The following LDLRAD4 variants were observed in gnomAD, a reference collection of about 807,000 sequenced individuals.
The protein encoded by LDLRAD4 is low-density lipoprotein receptor class A domain-containing protein 4.
In LDLRAD4, 5 loss-of-function variants were observed where a neutral mutation model predicts 17.0. The ratio of observed to expected loss-of-function variants is 0.29; its 90% CI spans 0.15 to 0.62. LDLRAD4 has a LOEUF of 0.62. Ranked by LOEUF, LDLRAD4 falls within the 20% of genes least tolerant of loss-of-function variation. LDLRAD4 has a pLI of 0.84. For synonymous variants in LDLRAD4, 168 were observed against 171.8 expected, an observed-to-expected ratio of 0.98 and a Z score of 0.17; for missense variants, 340 against 424.7, an observed-to-expected ratio of 0.80 and a Z score of 1.75.
chr18:13,299,330 A>G (rs1247144436), intron 1 of LDLRAD4, among the ~76,000 whole-genome samples: 5 of 152,242 alleles, frequency 3.3e-5, no homozygotes, highest in Non-Finnish European at 7.3e-5. Flanking sequence ...GGTTTTGAAC[A>G]TGTGCCCTTT....
chr18:13,606,767 C>T (rs2095228531), intron 3 of LDLRAD4, among the ~76,000 whole-genome samples: 1 of 152,098 alleles, frequency 6.6e-6, no homozygotes, highest in Non-Finnish European at 1.5e-5. Flanking sequence ...AGGCCAAATT[C>T]CAGGGATTAA....
intron 1 of LDLRAD4, among the ~76,000 whole-genome samples, chr18:13,282,646 C>T (rs1438186403): frequency 6.6e-6 from 1 of 152,232 alleles, no homozygotes; most frequent in Admixed American, 6.5e-5. Flanking sequence ...TTGCAGGGTA[C>T]AGCCTTCCTC....
intron 3 of LDLRAD4, among the ~76,000 whole-genome samples, chr18:13,508,691 G>GA (rs1000411623): frequency 1.5e-4 from 23 of 150,654 alleles, no homozygotes; most frequent in East Asian, 5.8e-4. Flanking sequence ...TACTGCTCAG[G>GA]AAAAAAAAAG....
At position 13,346,273 on chromosome 18, in the gene LDLRAD4, G is replaced by A. The variant is rs181918689; in HGVS notation, c.-382-41068G>A. Among the ~76,000 whole-genome samples, 22 of 152,152 alleles carry A rather than the reference G, an allele frequency of 1.4e-4. 1 individual carries two copies. The East Asian group carries it at 4.2e-3, about 29-fold the overall frequency. ...GAATGTGTCCCAGAGATTCTTGTATGTTGTGTCTTTGTTCTCGTTGGTTTC... is the reference window on the plus strand; with the variant it reads ...GAATGTGTCCCAGAGATTCTTGTATATTGTGTCTTTGTTCTCGTTGGTTTC... On this transcript the variant is annotated intron_variant, in intron 1 of 5. Coordinates refer to ENST00000359446, the Ensembl canonical transcript of LDLRAD4.
intron 2 of LDLRAD4, among the ~76,000 whole-genome samples, chr18:13,415,736 C>G (rs1421498903): frequency 6.6e-6 from 1 of 152,238 alleles, no homozygotes; most frequent in African/African-American, 2.4e-5. Flanking sequence ...CCACTGGATT[C>G]CAGTTCTCCA....
chr18:13,465,820 G>A (rs1240832251), intron 3 of LDLRAD4, among the ~76,000 whole-genome samples: 1 of 152,148 alleles, frequency 6.6e-6, no homozygotes, highest in Non-Finnish European at 1.5e-5. Context: ...GCTGAGTTGT[G>A]GACATGTGTA....
At chr18:13,577,617 C>T (rs548121707) in intron 3 of LDLRAD4, among the ~76,000 whole-genome samples, 9 of 152,174 alleles carry the variant, frequency 5.9e-5, no homozygotes, top group South Asian at 2.1e-4. Flanking sequence ...TGAGGGGAAA[C>T]GCAAAAGCGA....
At chr18:13,451,766 G>A (rs1282125467) in intron 3 of LDLRAD4, among the ~76,000 whole-genome samples, 1 of 152,186 alleles carries the variant, frequency 6.6e-6, no homozygotes, top group African/African-American at 2.4e-5. Flanking sequence ...AGAAGGGGAA[G>A]GAAGCACTCT....
chr18:13,454,472 C>T (rs1430045670), intron 3 of LDLRAD4, among the ~76,000 whole-genome samples: 1 of 152,196 alleles, frequency 6.6e-6, no homozygotes, highest in East Asian at 1.9e-4. Context: ...ACTCCATTCT[C>T]TTCATCATCT....
At chr18:13,437,689 C>T (rs2090756090) in intron 2 of LDLRAD4, among the ~76,000 whole-genome samples, 1 of 152,130 alleles carries the variant, frequency 6.6e-6, no homozygotes, top group Non-Finnish European at 1.5e-5. Context: ...TGGTATTATG[C>T]CTGATTTTTC....
chr18:13,284,376 G>C (rs2045484031), intron 1 of LDLRAD4, among the ~76,000 whole-genome samples: 1 of 152,120 alleles, frequency 6.6e-6, no homozygotes, highest in Non-Finnish European at 1.5e-5. Flanking sequence ...TCATCAAGCA[G>C]ACCTGTGGAG....
At chr18:13,573,622 G>C (rs1235276765) in intron 3 of LDLRAD4, among the ~76,000 whole-genome samples, 2 of 152,176 alleles carry the variant, frequency 1.3e-5, no homozygotes, top group African/African-American at 4.8e-5. Context: ...AGCATGCTGG[G>C]CTCACATTAT....
chr18:13,419,997 C>G (rs561469818), intron 2 of LDLRAD4: 17 of 152,270 alleles, frequency 1.1e-4, no homozygotes, highest in African/African-American at 4.1e-4. Flanking sequence ...ACACCTGTGT[C>G]TTGTTAACTG....
At chr18:13,516,961 C>T (rs921794511) in intron 3 of LDLRAD4, among the ~76,000 whole-genome samples, 4 of 152,254 alleles carry the variant, frequency 2.6e-5, no homozygotes, top group Middle Eastern at 3.4e-3. Context: ...GTGATCTTTC[C>T]GCCTCAGCTT....
chr18:13,265,096 T>G (rs1361417581), intron 1 of LDLRAD4, among the ~76,000 whole-genome samples: 1 of 152,182 alleles, frequency 6.6e-6, no homozygotes, highest in East Asian at 1.9e-4. Flanking sequence ...TTCTAAGTGT[T>G]TTCCACATGG....
At chr18:13,491,876 G>A (rs2093365241) in intron 3 of LDLRAD4, among the ~76,000 whole-genome samples, 2 of 152,164 alleles carry the variant, frequency 1.3e-5, no homozygotes, top group African/African-American at 2.4e-5. Context: ...GTCTGATAAT[G>A]AAATTTGCAG....
Position 13,498,002 on chromosome 18 carries a change from G to T in LDLRAD4, c.181+59618G>T, listed in dbSNP as rs2093509131. Among the ~76,000 whole-genome samples, 2 of 150,256 alleles carry T rather than the reference G, an allele frequency of 1.3e-5. 1 individual carries two copies. The highest frequency in any genetic ancestry group is 3.0e-5 in the Non-Finnish European group (2 of 67,678). ...CTGGAGAATCCTTCTGCCCACACAA[G>T]TCCTGCCGTGGACACTGGAGAATCC... On this transcript the variant is annotated intron_variant, in intron 3 of 5. Transcript: ENST00000359446.
At chr18:13,220,581 A>G (rs1262024199) in intron 1 of LDLRAD4, among the ~76,000 whole-genome samples, 1 of 152,142 alleles carries the variant, frequency 6.6e-6, no homozygotes, top group Non-Finnish European at 1.5e-5. Flanking sequence ...GAGTATATAC[A>G]TACATAGACA....
intron 3 of LDLRAD4, among the ~76,000 whole-genome samples, chr18:13,528,399 G>A (rs1290783246): frequency 6.6e-6 from 1 of 152,136 alleles, no homozygotes; most frequent in African/African-American, 2.4e-5. Flanking sequence ...TGCAACCTCC[G>A]CTTCACAGGT....
Sources: allele counts gnomAD v4.1 joint callset (sites outside exome capture counted in the v4.1 genomes callset), GRCh38; gene constraint gnomAD v4.1.1; transcripts MANE v1.5; gene names NCBI Gene and HGNC (gene_info 2026-07-23, HGNC 2026-07-21).